Variants in CTNND2 observed in about 807,000 individuals in gnomAD.
CTNND2 encodes catenin delta 2.
CTNND2 carries 22 observed loss-of-function variants against 144.4 expected under a neutral mutation model. The observed-to-expected ratio is 0.15, with a 90% CI of 0.11 to 0.22. CTNND2 has a LOEUF of 0.22. Ranked by LOEUF, CTNND2 falls within the 10% of genes least tolerant of loss-of-function variation. CTNND2 has a pLI of 1.00. For synonymous variants in CTNND2, 751 were observed against 695.6 expected, an observed-to-expected ratio of 1.08 and a Z score of -1.25; for missense variants, 1,353 against 1,618.8, an observed-to-expected ratio of 0.84 and a Z score of 2.82.
At chr5:11,171,466 C>T (rs1004732708) in intron 11 of CTNND2, among the ~76,000 whole-genome samples, 1 of 152,136 alleles carries the variant, frequency 6.6e-6, no homozygotes, top group Non-Finnish European at 1.5e-5. Flanking sequence ...TTCTGAGTTT[C>T]ATTTCTATAA....
At chr5:11,504,252 T>C (rs539749742) in intron 3 of CTNND2, among the ~76,000 whole-genome samples, 1 of 152,370 alleles carries the variant, frequency 6.6e-6, no homozygotes, top group East Asian at 1.9e-4. Flanking sequence ...TCAGGTCTAA[T>C]GCTGTTGCTG....
At chr5:11,876,204 G>A (rs1432870082) in intron 1 of CTNND2, among the ~76,000 whole-genome samples, 2 of 151,544 alleles carry the variant, frequency 1.3e-5, no homozygotes, top group African/African-American at 4.8e-5. Context: ...GAGGAGAGGA[G>A]GGAGGAGGCA....
intron 21 of CTNND2, among the ~76,000 whole-genome samples, chr5:10,977,814 G>A (rs752139490): frequency 3.3e-5 from 5 of 152,180 alleles, no homozygotes; most frequent in South Asian, 2.1e-4. Context: ...CAAAGATCAC[G>A]AACTGTGTTT....
intron 9 of CTNND2, among the ~76,000 whole-genome samples, chr5:11,310,531 A>G (rs1346570842): frequency 6.6e-6 from 1 of 151,884 alleles, no homozygotes; most frequent in Non-Finnish European, 1.5e-5. Flanking sequence ...TCTTCCTGCA[A>G]CTCAGCTCTG....
At chr5:11,497,380 G>C (rs1025251020) in intron 3 of CTNND2, among the ~76,000 whole-genome samples, 1 of 151,948 alleles carries the variant, frequency 6.6e-6, no homozygotes, top group African/African-American at 2.4e-5. Flanking sequence ...GGGTGCTGCA[G>C]GAAGGAGTAG....
chr5:11,461,272 C>T (rs1481827297), intron 3 of CTNND2, among the ~76,000 whole-genome samples: 1 of 152,018 alleles, frequency 6.6e-6, no homozygotes, highest in Non-Finnish European at 1.5e-5. Flanking sequence ...GGCACTGTCC[C>T]ATCTCATGTG....
intron 1 of CTNND2, among the ~76,000 whole-genome samples, chr5:11,761,236 G>A (rs1789245177): frequency 6.6e-6 from 1 of 152,128 alleles, no homozygotes; most frequent in South Asian, 2.1e-4. Context: ...ATTACTCTGA[G>A]AACGATGCTA....
chr5:11,782,997 G>A (rs1427897013), intron 1 of CTNND2, among the ~76,000 whole-genome samples: 1 of 152,146 alleles, frequency 6.6e-6, no homozygotes, highest in Admixed American at 6.5e-5. Context: ...TTACAGCTGT[G>A]GCCCAGAGGG....
At chr5:11,803,799 C>T (rs1791833200) in intron 1 of CTNND2, among the ~76,000 whole-genome samples, 1 of 152,160 alleles carries the variant, frequency 6.6e-6, no homozygotes, top group African/African-American at 2.4e-5. Context: ...ACTGTTGTAT[C>T]ACCAGTGCCC....
chr5:11,254,227 A>G (rs373153693), intron 9 of CTNND2, among the ~76,000 whole-genome samples: 29 of 152,192 alleles, frequency 1.9e-4, no homozygotes, highest in African/African-American at 6.8e-4. Context: ...TGATTTTCAG[A>G]CATCTTAAAT....
intron 11 of CTNND2, 103 bp downstream of exon 11, chr5:11,199,345 T>C (rs1375942632): frequency 9.5e-7 from 1 of 1,054,646 alleles, no homozygotes; most frequent in Non-Finnish European, 1.4e-6. Flanking sequence ...GCCTATGTTA[T>C]TAGAACACCA....
chr5:11,510,084 G>A (rs1216053907), intron 3 of CTNND2, among the ~76,000 whole-genome samples: 1 of 152,032 alleles, frequency 6.6e-6, no homozygotes, highest in Non-Finnish European at 1.5e-5. Flanking sequence ...ACACATGCCA[G>A]CACACTTGGC....
intron 12 of CTNND2, among the ~76,000 whole-genome samples, chr5:11,145,984 C>A (rs892361027): frequency 6.6e-6 from 1 of 152,102 alleles, no homozygotes; most frequent in Non-Finnish European, 1.5e-5. Flanking sequence ...TCTCCTTCTT[C>A]CCCCGGACAG....
chr5:11,131,622 C>T (rs977150495), intron 12 of CTNND2, among the ~76,000 whole-genome samples: 2 of 152,030 alleles, frequency 1.3e-5, no homozygotes, highest in Non-Finnish European at 2.9e-5. Context: ...CCCGTCTCTA[C>T]TAAAAAAATA....
chr5:11,228,462 C>T (rs1740616754), intron 10 of CTNND2, among the ~76,000 whole-genome samples: 1 of 146,670 alleles, frequency 6.8e-6, no homozygotes, highest in South Asian at 2.2e-4. Flanking sequence ...GTCCTGTTTA[C>T]TTATTTTCTG....
chr5:11,708,995 A>C (rs1785874564), intron 2 of CTNND2, among the ~76,000 whole-genome samples: 2 of 152,162 alleles, frequency 1.3e-5, no homozygotes, highest in Non-Finnish European at 2.9e-5. Context: ...ATCAGTAGTT[A>C]TTGGTTTATG....
intron 3 of CTNND2, among the ~76,000 whole-genome samples, chr5:11,461,748 T>C (rs887825067): frequency 1.3e-5 from 2 of 152,162 alleles, no homozygotes; most frequent in African/African-American, 4.8e-5. Context: ...TAAGAAAATT[T>C]CAAATGTTTG....
At chr5:11,379,515 G>A (rs1758271513) in intron 7 of CTNND2, among the ~76,000 whole-genome samples, 1 of 151,844 alleles carries the variant, frequency 6.6e-6, no homozygotes, top group African/African-American at 2.4e-5. Context: ...TCAAGTTGCT[G>A]GAGACTACAT....
At chr5:11,449,692 TTTC>T (rs1282764849) in intron 3 of CTNND2, among the ~76,000 whole-genome samples, 1 of 152,240 alleles carries the variant, frequency 6.6e-6, no homozygotes, top group Non-Finnish European at 1.5e-5. Context: ...AGAATCCTGA[TTTC>T]TTTTTTAGAT....
Sources: gnomAD v4.1 joint callset for allele counts (sites outside exome capture counted in the v4.1 genomes callset) on GRCh38, gnomAD v4.1.1 for gene constraint, MANE v1.5 for transcripts, NCBI Gene and HGNC (gene_info 2026-07-23, HGNC 2026-07-21) for gene names.